ESR2: variants seen among roughly 807,000 people sequenced by gnomAD.
ESR2 encodes the protein estrogen receptor 2, also known as estrogen receptor beta.
ESR2 carries 36 observed loss-of-function variants against 49.6 expected under a neutral mutation model. The observed-to-expected ratio is 0.73, with a 90% CI of 0.56 to 0.96. The LOEUF (loss-of-function observed/expected upper bound fraction) is 0.96. Ranked by LOEUF, ESR2 falls within the 40% of genes least tolerant of loss-of-function variation. The probability of loss-of-function intolerance (pLI) is 0.00; values close to 1 mark genes in which losing one functional copy is unlikely to be tolerated. For missense variants in ESR2, 714 were observed against 693.0 expected (o/e 1.03, Z -0.34); for synonymous variants, 320 against 266.1 (o/e 1.20, Z -1.97).
chr14:64,260,191 A>C, intron 5 of ESR2: 1 of 722,280 alleles, frequency 1.4e-6, no homozygotes, highest in Non-Finnish European at 2.6e-6. Context: ...GCCACGCACA[A>C]CTCTTTCTGC....
chr14:64,227,101 C>A, downstream of ESR2: 1 of 168,060 alleles, frequency 6.0e-6, no homozygotes, highest in Non-Finnish European at 1.3e-5. Context: ...GGCATTTCCC[C>A]TTTCTTATTG....
chr14:64,327,324 G>T (rs141550031), intron 1 of ESR2, among the ~76,000 whole-genome samples: 1 of 152,112 alleles, frequency 6.6e-6, no homozygotes, highest in Non-Finnish European at 1.5e-5. Context: ...ACTTTGGGAG[G>T]CTGAGGCAGG....
intron 6 of ESR2, among the ~76,000 whole-genome samples, chr14:64,250,150 A>G (rs1486275223): frequency 6.6e-6 from 1 of 152,232 alleles, no homozygotes; most frequent in Non-Finnish European, 1.5e-5. Flanking sequence ...ATAAAACTCC[A>G]TATCTAGGGC....
intron 1 of ESR2, among the ~76,000 whole-genome samples, chr14:64,288,591 G>A (rs192744247): frequency 0.019 from 2,860 of 151,832 alleles, 74 homozygotes; most frequent in East Asian, 0.087. Flanking sequence ...CTCGTGACCC[G>A]CCCGCCTTGG....
At chr14:64,253,604 G>GTGTGTGTGTGTATA (rs375688515) in intron 6 of ESR2, among the ~76,000 whole-genome samples, 2 of 142,804 alleles carry the variant, frequency 1.4e-5, no homozygotes, top group African/African-American at 2.7e-5. Flanking sequence ...GTGTGTGTGT[G>GTGTGTGTGTGTATA]TATGTATGTG....
At chr14:64,242,273 G>A (rs2075743327) in intron 7 of ESR2, among the ~76,000 whole-genome samples, 1 of 151,958 alleles carries the variant, frequency 6.6e-6, no homozygotes, top group South Asian at 2.1e-4. Flanking sequence ...AGCTAGGCAT[G>A]GTGGCAGGCA....
intron 6 of ESR2, among the ~76,000 whole-genome samples, chr14:64,254,013 TAAAAGA>T (rs2076047374): frequency 6.6e-6 from 1 of 152,276 alleles, no homozygotes; most frequent in Non-Finnish European, 1.5e-5. Context: ...TAGTGGTTAG[TAAAAGA>T]AAAACTAAAT....
At chr14:64,314,060 G>A (rs772701648) in intron 1 of ESR2, among the ~76,000 whole-genome samples, 1 of 152,036 alleles carries the variant, frequency 6.6e-6, no homozygotes, top group Non-Finnish European at 1.5e-5. Flanking sequence ...CACCCTACAA[G>A]AGCAGGCTAC....
chr14:64,305,372 T>A (rs998691227), intron 1 of ESR2, among the ~76,000 whole-genome samples: 1 of 151,584 alleles, frequency 6.6e-6, no homozygotes, highest in African/African-American at 2.4e-5. Context: ...AAGCTAATTT[T>A]AAAAATTATT....
At chr14:64,238,763 A>AG (rs1266234635) in intron 7 of ESR2, among the ~76,000 whole-genome samples, 2 of 152,116 alleles carry the variant, frequency 1.3e-5, no homozygotes, top group African/African-American at 4.8e-5. Flanking sequence ...TTTAAAAAAA[A>AG]AAAACAAAAA....
At chr14:64,299,247 A>T (rs2076994975), upstream of ESR2, among the ~76,000 whole-genome samples, 2 of 152,028 alleles carry the variant, frequency 1.3e-5, no homozygotes, top group South Asian at 2.1e-4. Context: ...TATTTCAAAA[A>T]TTTTGACTAA....
At chr14:64,284,654 G>T (rs3783736) in intron 1 of ESR2, among the ~76,000 whole-genome samples, 65,127 of 151,704 alleles carry the variant, frequency 0.43, 14,445 homozygotes, top group African/African-American at 0.51. Context: ...ATATCTGAGG[G>T]GTAATTCATC....
At chr14:64,268,664 T>C (rs2076378902) in intron 4 of ESR2, 131 bp downstream of exon 4, 6 of 648,782 alleles carry the variant, frequency 9.2e-6, no homozygotes, top group Non-Finnish European at 1.7e-5. Flanking sequence ...CCCCCTCCAA[T>C]GTGACAACAC....
Position 64,232,912 on chromosome 14 carries a change from G to C in ESR2, c.*225C>G. On this transcript the variant is annotated 3_prime_UTR_variant, in exon 9 of 9. Coordinates refer to ENST00000341099, the MANE Select transcript of ESR2 (RefSeq NM_001437.3). ...AGATCCTATGAGGCCATTGAGTGTG[G>C]AAACGCTGCATTCAAATGTGCCCTC... is the stretch of plus-strand genomic sequence containing the variant. 1.2e-6 allele frequency: 1 copy of C among 803,580 alleles called. No individual in the cohort carries two copies. Among genetic ancestry groups the C allele is most frequent in the South Asian group, 3.3e-5 (1 of 30,204 alleles). The allele number at this position is 803,580 out of a possible 1,614,324, so 49.8% of individuals were successfully genotyped here.
intron 3 of ESR2, among the ~76,000 whole-genome samples, chr14:64,275,239 GCT>G (rs2076534502): frequency 6.6e-6 from 1 of 152,072 alleles, no homozygotes; most frequent in East Asian, 1.9e-4. Flanking sequence ...TCTCTCTTTA[GCT>G]CTAATAATAT....
chr14:64,284,501 T>C (rs2076749737), intron 1 of ESR2, among the ~76,000 whole-genome samples: 1 of 151,594 alleles, frequency 6.6e-6, no homozygotes, highest in South Asian at 2.1e-4. Flanking sequence ...TTTGTATTTT[T>C]AGTAGAGACA....
chr14:64,284,431 A>G (rs2076748693), intron 1 of ESR2, among the ~76,000 whole-genome samples: 1 of 151,886 alleles, frequency 6.6e-6, no homozygotes, highest in Non-Finnish European at 1.5e-5. Flanking sequence ...GGTTCAAGCA[A>G]TTATCATGTC....
intron 1 of ESR2, among the ~76,000 whole-genome samples, chr14:64,314,080 T>C (rs2077221768): frequency 6.6e-6 from 1 of 152,064 alleles, no homozygotes; most frequent in Non-Finnish European, 1.5e-5. Flanking sequence ...CACAACCTTT[T>C]GAGGGTCTAT....
At chr14:64,269,967 G>T (rs2140768008) in intron 3 of ESR2, among the ~76,000 whole-genome samples, 1 of 152,292 alleles carries the variant, frequency 6.6e-6, no homozygotes, top group East Asian at 1.9e-4. Flanking sequence ...GTCTGGATGG[G>T]GTGTTGGTAG....
Sources: gnomAD v4.1 joint callset for allele counts (sites outside exome capture counted in the v4.1 genomes callset) on GRCh38, gnomAD v4.1.1 for gene constraint, MANE v1.5 for transcripts, NCBI Gene and HGNC (gene_info 2026-07-23, HGNC 2026-07-21) for gene names.